C12orf42: variants seen among roughly 807,000 people sequenced by gnomAD.
C12orf42 encodes uncharacterized protein C12orf42.
C12orf42 carries 25 observed loss-of-function variants against 21.6 expected under a neutral mutation model. That is an observed-to-expected ratio of 1.16 (90% confidence interval 0.84 to 1.62). The LOEUF is 1.62. C12orf42 is among the 40% of genes most tolerant of loss of function. C12orf42 has a pLI of 0.00. For synonymous variants in C12orf42, 174 were observed against 175.0 expected (o/e 0.99, Z 0.05); for missense variants, 483 against 459.3 (o/e 1.05, Z -0.47).
chr12:103,532,929 C>T, the C12orf42 span, among the ~76,000 whole-genome samples: 4 of 152,152 alleles, frequency 2.6e-5, no homozygotes, highest in African/African-American at 4.8e-5. Context: ...CAAGGTGAAG[C>T]GCGGATCACG....
chr12:103,473,605 G>C (rs1953795142), intron 2 of C12orf42, among the ~76,000 whole-genome samples: 1 of 152,190 alleles, frequency 6.6e-6, no homozygotes, highest in Admixed American at 6.5e-5. Context: ...TGTTTCTATA[G>C]TACAGGCATC....
chr12:103,072,145 G>A, the C12orf42 span, among the ~76,000 whole-genome samples: 20 of 152,120 alleles, frequency 1.3e-4, no homozygotes, highest in Admixed American at 1.3e-3. Flanking sequence ...TGCTACTTAA[G>A]CATCAGCTGA....
downstream of C12orf42, among the ~76,000 whole-genome samples, chr12:103,233,758 T>A (rs2033379756): frequency 6.6e-6 from 1 of 152,204 alleles, no homozygotes; most frequent in South Asian, 2.1e-4. Flanking sequence ...GAGACAGTCA[T>A]GTCACCTACA....
At chr12:103,549,932 C>T in the C12orf42 span, among the ~76,000 whole-genome samples, 1 of 152,160 alleles carries the variant, frequency 6.6e-6, no homozygotes, top group Non-Finnish European at 1.5e-5. Context: ...GCCTGTTTTA[C>T]TTTAGGCTGC....
the C12orf42 span, among the ~76,000 whole-genome samples, chr12:103,198,755 C>A: frequency 6.6e-6 from 1 of 152,296 alleles, no homozygotes; most frequent in South Asian, 2.1e-4. Flanking sequence ...AGGGACAAGT[C>A]CCTGTGTTTA....
the C12orf42 span, among the ~76,000 whole-genome samples, chr12:103,140,974 A>G: frequency 6.6e-5 from 10 of 152,180 alleles, no homozygotes; most frequent in Admixed American, 2.0e-4. Context: ...AGAATATCAA[A>G]TTTTGCAGAC....
chr12:103,346,657 C>A (rs1303829795), intron 4 of C12orf42, among the ~76,000 whole-genome samples: 1 of 152,218 alleles, frequency 6.6e-6, no homozygotes, highest in African/African-American at 2.4e-5. Flanking sequence ...CACTCCTATA[C>A]AAATGCATCT....
chr12:103,257,666 T>C (rs1245616809), intron 10 of C12orf42, among the ~76,000 whole-genome samples: 1 of 152,012 alleles, frequency 6.6e-6, no homozygotes, highest in East Asian at 1.9e-4. Context: ...GGAACATTTC[T>C]TAAAGTCAAA....
chr12:103,467,845 C>G (rs1037681891), intron 2 of C12orf42, among the ~76,000 whole-genome samples: 2 of 152,118 alleles, frequency 1.3e-5, no homozygotes, highest in Non-Finnish European at 2.9e-5. Flanking sequence ...TAGTGAATTT[C>G]TGTGTATCCA....
chr12:103,298,530 C>G (rs1205991072), downstream of C12orf42, among the ~76,000 whole-genome samples: 1 of 152,150 alleles, frequency 6.6e-6, no homozygotes, highest in Non-Finnish European at 1.5e-5. Flanking sequence ...GCCATACTGC[C>G]CAAGGTAATT....
chr12:103,541,110 C>T, the C12orf42 span, among the ~76,000 whole-genome samples: 1 of 152,024 alleles, frequency 6.6e-6, no homozygotes, highest in Admixed American at 6.6e-5. Flanking sequence ...CACCATGTTG[C>T]CCAGGCTGGT....
chr12:103,424,026 A>G (rs936148817), intron 2 of C12orf42, among the ~76,000 whole-genome samples: 2 of 152,186 alleles, frequency 1.3e-5, no homozygotes, highest in African/African-American at 2.4e-5. Flanking sequence ...AATTTTGTGT[A>G]TTGGATGACA....
At chr12:103,416,628 T>TG (rs1555291490) in intron 2 of C12orf42, among the ~76,000 whole-genome samples, 1 of 150,682 alleles carries the variant, frequency 6.6e-6, no homozygotes, top group Non-Finnish European at 1.5e-5. Context: ...GCAAGACAGT[T>TG]AAAAAAAAAG....
the C12orf42 span, among the ~76,000 whole-genome samples, chr12:103,229,361 CT>C: frequency 6.6e-6 from 1 of 152,198 alleles, no homozygotes; most frequent in Non-Finnish European, 1.5e-5. Flanking sequence ...GACCAATGCT[CT>C]GGTTGCTTTG....
chr12:103,144,711 T>C, the C12orf42 span, among the ~76,000 whole-genome samples: 4 of 152,154 alleles, frequency 2.6e-5, no homozygotes, highest in Non-Finnish European at 4.4e-5. Context: ...TTACTTAGAA[T>C]TCACAACTTA....
chr12:103,107,538 G>C, the C12orf42 span, among the ~76,000 whole-genome samples: 1 of 151,846 alleles, frequency 6.6e-6, no homozygotes, highest in Admixed American at 6.6e-5. Context: ...ATGTGTTATT[G>C]AAGTTACAAA....
intron 2 of C12orf42, among the ~76,000 whole-genome samples, chr12:103,436,854 A>C (rs1195911735): frequency 2.0e-5 from 3 of 149,996 alleles, no homozygotes; most frequent in Non-Finnish European, 4.5e-5. Context: ...AATGAGACAG[A>C]AAGTCAACAA....
chr12:103,531,795 G>A, the C12orf42 span, among the ~76,000 whole-genome samples: 1 of 152,196 alleles, frequency 6.6e-6, no homozygotes, highest in African/African-American at 2.4e-5. Flanking sequence ...TGGTTACACA[G>A]GTTGTTGGTT....
At chr12:103,361,319 A>C (rs12578952) in intron 4 of C12orf42, among the ~76,000 whole-genome samples, 1 of 151,888 alleles carries the variant, frequency 6.6e-6, no homozygotes, top group Non-Finnish European at 1.5e-5. Flanking sequence ...GAGCTGAGTC[A>C]ATTTAGAGAG....
Sources: allele counts gnomAD v4.1 joint callset (sites outside exome capture counted in the v4.1 genomes callset), GRCh38; gene constraint gnomAD v4.1.1; transcripts MANE v1.5; gene names NCBI Gene and HGNC (gene_info 2026-07-23, HGNC 2026-07-21).